Variants in TAFA1 observed in about 807,000 individuals in gnomAD.
TAFA1 encodes TAFA chemokine like family member 1.
A neutral mutation model predicts 18.5 loss-of-function variants in TAFA1; 4 were observed. That is an observed-to-expected ratio of 0.22 (90% CI 0.11 to 0.49). TAFA1 has a LOEUF of 0.49. Ranked by LOEUF, TAFA1 falls within the 20% of genes least tolerant of loss-of-function variation. The pLI is 0.98. For synonymous variants in TAFA1, 56 were observed against 55.2 expected, an observed-to-expected ratio of 1.01 and a Z score of -0.06; for missense variants, 147 against 169.0, an observed-to-expected ratio of 0.87 and a Z score of 0.72.
chr3:68,323,228 C>T (rs1373916578), intron 2 of TAFA1, among the ~76,000 whole-genome samples: 1 of 152,190 alleles, frequency 6.6e-6, no homozygotes, highest in Non-Finnish European at 1.5e-5. Context: ...AGAACACTAC[C>T]TCCTCCAGCT....
chr3:68,058,941 T>C (rs1362928767), intron 2 of TAFA1, among the ~76,000 whole-genome samples: 16 of 152,148 alleles, frequency 1.1e-4, no homozygotes, highest in Admixed American at 1.0e-3. Context: ...AGCCACCCAG[T>C]GATTGCTGAA....
At chr3:68,297,609 A>G (rs1400166314) in intron 2 of TAFA1, among the ~76,000 whole-genome samples, 1 of 152,184 alleles carries the variant, frequency 6.6e-6, no homozygotes, top group Non-Finnish European at 1.5e-5. Flanking sequence ...TCCTCTTTTA[A>G]TGATAGATAT....
chr3:68,281,467 C>CTTTTT (rs10713944), intron 2 of TAFA1, among the ~76,000 whole-genome samples: 8 of 111,730 alleles, frequency 7.2e-5, no homozygotes, highest in South Asian at 5.9e-4. Context: ...CCACATTAAC[C>CTTTTT]TTTTTTTTTT....
chr3:68,352,315 G>C (rs1335288177), intron 2 of TAFA1, among the ~76,000 whole-genome samples: 6 of 151,906 alleles, frequency 3.9e-5, no homozygotes. Context: ...TCATGCAGGG[G>C]AAACCTCAGT....
At chr3:68,083,183 A>C (rs1291306254) in intron 2 of TAFA1, among the ~76,000 whole-genome samples, 1 of 152,208 alleles carries the variant, frequency 6.6e-6, no homozygotes, top group Non-Finnish European at 1.5e-5. Flanking sequence ...AGCTTCTAAA[A>C]TCAGAGAAGG....
At chr3:68,367,243 C>A (rs538664155) in intron 2 of TAFA1, among the ~76,000 whole-genome samples, 1 of 152,176 alleles carries the variant, frequency 6.6e-6, no homozygotes, top group Admixed American at 6.5e-5. Flanking sequence ...TAATCTACGT[C>A]CCTCATTGGA....
intron 2 of TAFA1, among the ~76,000 whole-genome samples, chr3:68,243,081 T>G (rs1391101092): frequency 6.6e-6 from 1 of 152,128 alleles, no homozygotes; most frequent in Admixed American, 6.6e-5. Flanking sequence ...TTTAATGATT[T>G]TTTTTTTCGA....
chr3:68,206,581 CA>C (rs1179741400), intron 2 of TAFA1, among the ~76,000 whole-genome samples: 3 of 151,888 alleles, frequency 2.0e-5, no homozygotes, highest in African/African-American at 7.2e-5. Flanking sequence ...ATAATGATGT[CA>C]TGGCTTCAGG....
chr3:68,379,044 T>C (rs1372441112), intron 2 of TAFA1, among the ~76,000 whole-genome samples: 1 of 152,220 alleles, frequency 6.6e-6, no homozygotes, highest in Non-Finnish European at 1.5e-5. Context: ...GATTGTTGGG[T>C]CAAATGTTAT....
the TAFA1 span, among the ~76,000 whole-genome samples, chr3:67,999,082 T>C: frequency 2.0e-5 from 3 of 152,220 alleles, no homozygotes; most frequent in East Asian, 5.8e-4. Context: ...TCCAATACAG[T>C]AGCTATCAAC....
At chr3:68,193,918 T>A (rs1474467443) in intron 2 of TAFA1, among the ~76,000 whole-genome samples, 1 of 151,764 alleles carries the variant, frequency 6.6e-6, no homozygotes, top group East Asian at 1.9e-4. Context: ...TTGCTGACCT[T>A]GGCTGAATTT....
At chr3:68,202,054 G>A (rs977768926) in intron 2 of TAFA1, among the ~76,000 whole-genome samples, 1 of 151,690 alleles carries the variant, frequency 6.6e-6, no homozygotes, top group Non-Finnish European at 1.5e-5. Flanking sequence ...CATGAAAGCA[G>A]AAGCCTCATG....
chr3:68,382,332 G>A (rs2069984491), intron 2 of TAFA1, among the ~76,000 whole-genome samples: 1 of 152,062 alleles, frequency 6.6e-6, no homozygotes, highest in African/African-American at 2.4e-5. Flanking sequence ...TCTGTTGATT[G>A]GAATAGTTTC....
rs565724079 is a variant in TAFA1 at position 68,428,706 on chromosome 3, A to C, written c.259+11286A>C. 1.4e-3 allele frequency among the ~76,000 whole-genome samples: 208 copies of C among 152,050 alleles called. 3 individuals carry two copies. In the South Asian group the frequency reaches 0.027, roughly 20 times the overall value. On this transcript the variant is annotated intron_variant, in intron 3 of 4. Transcript: ENST00000478136. ...GGTATTTTCATTATTGCATCATTTT[A>C]ATAATTGAGGGTAAAATTTATTGGA...
At chr3:68,166,733 G>T (rs1163868598) in intron 2 of TAFA1, among the ~76,000 whole-genome samples, 1 of 152,118 alleles carries the variant, frequency 6.6e-6, no homozygotes, top group Non-Finnish European at 1.5e-5. Context: ...GTACAGAGGT[G>T]CCAATTTAAT....
intron 2 of TAFA1, among the ~76,000 whole-genome samples, chr3:68,052,194 T>A (rs1297706850): frequency 6.6e-6 from 1 of 152,132 alleles, no homozygotes; most frequent in African/African-American, 2.4e-5. Flanking sequence ...CTCTTTGCTG[T>A]CAAGAAACCA....
chr3:68,155,762 G>T (rs556119088), intron 2 of TAFA1, among the ~76,000 whole-genome samples: 2 of 152,172 alleles, frequency 1.3e-5, no homozygotes, highest in South Asian at 4.2e-4. Flanking sequence ...AAATACTGAT[G>T]GAAATCTTAT....
At chr3:68,122,158 C>A (rs2065407528) in intron 2 of TAFA1, among the ~76,000 whole-genome samples, 1 of 152,024 alleles carries the variant, frequency 6.6e-6, no homozygotes, top group African/African-American at 2.4e-5. Context: ...TCATGATACT[C>A]TTCTCTGTCT....
At chr3:68,009,511 T>C (rs1349200370) in intron 2 of TAFA1, among the ~76,000 whole-genome samples, 3 of 152,188 alleles carry the variant, frequency 2.0e-5, no homozygotes, top group Non-Finnish European at 2.9e-5. Flanking sequence ...CTGAAACCAA[T>C]TTTGACCCCA....
Sources: allele counts gnomAD v4.1 joint callset (sites outside exome capture counted in the v4.1 genomes callset), GRCh38; gene constraint gnomAD v4.1.1; transcripts MANE v1.5; gene names NCBI Gene and HGNC (gene_info 2026-07-23, HGNC 2026-07-21).